The following SCLT1 variants were observed in gnomAD, a reference collection of about 807,000 sequenced individuals.
SCLT1 encodes sodium channel and clathrin linker 1, also known as sodium channel-associated protein 1.
In SCLT1, 78 loss-of-function variants were observed where a neutral mutation model predicts 112.8. The observed-to-expected ratio is 0.69, with a 90% confidence interval of 0.58 to 0.83. The LOEUF is 0.83. Among genes scored for constraint, SCLT1 ranks in the 40% least tolerant of loss-of-function variants. The pLI is 0.00. For synonymous variants in SCLT1, 257 were observed against 254.7 expected (o/e 1.01, Z -0.09); for missense variants, 747 against 770.4 (o/e 0.97, Z 0.36).
chr4:129,027,971 G>A (rs1011359136), intron 5 of SCLT1, among the ~76,000 whole-genome samples: 2 of 152,138 alleles, frequency 1.3e-5, no homozygotes, highest in African/African-American at 4.8e-5. Context: ...ACTTACAAGG[G>A]ACGGGAAGGA....
chr4:128,918,040 C>A (rs1445741135), intron 18 of SCLT1, among the ~76,000 whole-genome samples: 1 of 152,072 alleles, frequency 6.6e-6, no homozygotes, highest in East Asian at 1.9e-4. Flanking sequence ...CACAGATACA[C>A]CTCAAAATTA....
At chr4:129,071,546 CTT>C (rs1239191409) in intron 2 of SCLT1, among the ~76,000 whole-genome samples, 1 of 152,098 alleles carries the variant, frequency 6.6e-6, no homozygotes, top group African/African-American at 2.4e-5. Flanking sequence ...CTCTTTGTCT[CTT>C]TTAACTGCTG....
intron 11 of SCLT1, among the ~76,000 whole-genome samples, 200 bp from the exon 12 acceptor site, chr4:128,959,977 C>T (rs1017045418): frequency 6.6e-6 from 1 of 151,900 alleles, no homozygotes; most frequent in South Asian, 2.1e-4. Flanking sequence ...ACAAACATAC[C>T]CAGAGAGGTT....
chr4:129,007,690 T>C (rs1398317326), intron 5 of SCLT1, among the ~76,000 whole-genome samples: 1 of 152,202 alleles, frequency 6.6e-6, no homozygotes, highest in Non-Finnish European at 1.5e-5. Flanking sequence ...GGTAAATCAC[T>C]CTTAAAATTA....
intron 5 of SCLT1, among the ~76,000 whole-genome samples, chr4:129,004,519 G>A (rs879256655): frequency 2.0e-5 from 3 of 151,368 alleles, no homozygotes; most frequent in African/African-American, 7.3e-5. Flanking sequence ...AAGCAAGGAA[G>A]GTACAACTTA....
intron 9 of SCLT1, among the ~76,000 whole-genome samples, chr4:128,986,196 C>T (rs967279579): frequency 2.0e-5 from 3 of 152,080 alleles, no homozygotes; most frequent in African/African-American, 7.2e-5. Flanking sequence ...AAGTGTTGAA[C>T]TTTGCATTAG....
intron 14 of SCLT1, 99 bp downstream of exon 14, chr4:128,952,670 T>G: frequency 1.3e-6 from 1 of 789,584 alleles, no homozygotes; most frequent in Non-Finnish European, 2.2e-6. Flanking sequence ...GGGCTTGGTT[T>G]AATAAGTATC....
chr4:129,061,883 C>T (rs1039712199), intron 2 of SCLT1, among the ~76,000 whole-genome samples: 2 of 152,178 alleles, frequency 1.3e-5, no homozygotes, highest in Non-Finnish European at 2.9e-5. Context: ...ACACTAGTTG[C>T]ATAAGCCTCA....
intron 5 of SCLT1, among the ~76,000 whole-genome samples, chr4:129,030,382 T>C (rs1278232927): frequency 1.1e-4 from 16 of 152,064 alleles, no homozygotes; most frequent in Admixed American, 1.0e-3. Flanking sequence ...ATCAACACCC[T>C]AACATTACAA....
intron 18 of SCLT1, among the ~76,000 whole-genome samples, chr4:128,929,154 A>T: frequency 6.6e-6 from 1 of 152,228 alleles, no homozygotes; most frequent in East Asian, 1.9e-4. Flanking sequence ...TTTTGTCCTA[A>T]GTAAGGTCAC....
Position 128,874,603 on chromosome 4 carries a change from C to T in SCLT1, n.356-137G>A, listed in dbSNP as rs1732436124. ...TGCAAATGGATAGAGCACGGTTTCT[C>T]TGACAGTATAATGATAGCTTTGTGA... On this transcript the variant is annotated intron_variant and non_coding_transcript_variant, in intron 4 of 7. Coordinates refer to the SCLT1 transcript ENST00000503565. The T allele has an allele frequency of 2.0e-5, 3 of 152,680 alleles. 1 individual carries two copies. The South Asian group carries it at 6.2e-4, about 32-fold the overall frequency. The allele number at this position is 152,680 out of a possible 1,614,324, so 9.5% of individuals were successfully genotyped here. A position where few individuals can be genotyped will look rare whatever the true frequency, so the allele number is the denominator to read the frequency against.
chr4:129,018,924 T>C lies in SCLT1; in HGVS notation c.291-15048A>G, dbSNP rs144051188. 1.6e-3 allele frequency among the ~76,000 whole-genome samples: 249 copies of C among 152,266 alleles called. 2 individuals carry two copies. The highest frequency in any genetic ancestry group is 0.014 in the East Asian group (71 of 5,188). On this transcript the variant is annotated intron_variant, in intron 5 of 20. Coordinates refer to ENST00000281142, the MANE Select transcript of SCLT1 (RefSeq NM_144643.4). ...TGACTATTTTGCTGGAGAAAAGACA[T>C]TTCTGATTAAATTTTTTAAAAAGAA...
At position 128,899,810 on chromosome 4, in the gene SCLT1, A is replaced by C. The variant is rs576883805; in HGVS notation, c.1830-8673T>G. Among the ~76,000 whole-genome samples the C allele has an allele frequency of 2.6e-5, 4 of 152,382 alleles. No homozygotes were observed. The South Asian group carries it at 8.3e-4, about 32-fold the overall frequency. ...CAGCCCAAAATCTCCTTAAGCTGAT[A>C]GGCAACTTCAGCAAAGTCTCAGGAT... On this transcript the variant is annotated intron_variant, in intron 18 of 20. Transcript: ENST00000281142.
intron 5 of SCLT1, among the ~76,000 whole-genome samples, chr4:129,022,365 T>C (rs1436558409): frequency 1.3e-5 from 2 of 152,202 alleles, no homozygotes; most frequent in Non-Finnish European, 2.9e-5. Context: ...AAGGAGCATG[T>C]TCTAACCCAA....
At chr4:129,048,961 A>G (rs997794966) in intron 2 of SCLT1, among the ~76,000 whole-genome samples, 3 of 151,860 alleles carry the variant, frequency 2.0e-5, no homozygotes, top group African/African-American at 7.3e-5. Flanking sequence ...AATGGCAATC[A>G]TTAAAAAGCC....
At chr4:129,090,149 A>T (rs1268270164) in intron 1 of SCLT1, among the ~76,000 whole-genome samples, 2 of 152,242 alleles carry the variant, frequency 1.3e-5, no homozygotes, top group East Asian at 1.9e-4. Context: ...GCAAAACCTA[A>T]ATATTAAAAA....
At chr4:129,018,957 A>G (rs1745219432) in intron 5 of SCLT1, among the ~76,000 whole-genome samples, 1 of 152,164 alleles carries the variant, frequency 6.6e-6, no homozygotes, top group Non-Finnish European at 1.5e-5. Context: ...GAAAATAAAT[A>G]TTGTCCTATC....
intron 18 of SCLT1, among the ~76,000 whole-genome samples, chr4:128,921,231 G>A (rs1024860654): frequency 1.3e-5 from 2 of 152,102 alleles, no homozygotes; most frequent in African/African-American, 4.8e-5. Context: ...ATTGCCCAAA[G>A]CAATTTACAG....
intron 2 of SCLT1, among the ~76,000 whole-genome samples, chr4:129,068,311 TG>T (rs1455006308): frequency 6.6e-6 from 1 of 152,164 alleles, no homozygotes; most frequent in Non-Finnish European, 1.5e-5. Flanking sequence ...ATTTCCACAG[TG>T]GTTGTGCTAG....
Sources: gnomAD v4.1 joint callset for allele counts (sites outside exome capture counted in the v4.1 genomes callset) on GRCh38, gnomAD v4.1.1 for gene constraint, MANE v1.5 for transcripts, NCBI Gene and HGNC (gene_info 2026-07-23, HGNC 2026-07-21) for gene names.